The following NECAB1 variants were observed in gnomAD, a reference collection of about 807,000 sequenced individuals.
NECAB1 encodes the protein N-terminal EF-hand calcium binding protein 1.
A neutral mutation model predicts 57.5 loss-of-function variants in NECAB1; 29 were observed. The observed-to-expected ratio is 0.50, with a 90% CI of 0.38 to 0.69. The LOEUF (loss-of-function observed/expected upper bound fraction) is 0.69. Ranked by LOEUF, NECAB1 falls within the 30% of genes least tolerant of loss-of-function variation. The pLI is 0.00. For synonymous variants in NECAB1, 142 were observed against 147.7 expected, an observed-to-expected ratio of 0.96 and a Z score of 0.28; for missense variants, 372 against 413.8, an observed-to-expected ratio of 0.90 and a Z score of 0.88.
intron 3 of NECAB1, among the ~76,000 whole-genome samples, chr8:90,851,663 G>A (rs185936303): frequency 3.1e-4 from 47 of 152,198 alleles, no homozygotes; most frequent in African/African-American, 1.1e-3. Flanking sequence ...TGGAGTGAAA[G>A]ATACAGAGAT....
chr8:90,945,926 G>A lies in NECAB1; in HGVS notation c.861-3881G>A, dbSNP rs78602764. Among the ~76,000 whole-genome samples the A allele has an allele frequency of 1.7e-3, 260 of 152,252 alleles. 1 individual carries two copies. The highest frequency in any genetic ancestry group is 6.1e-3 in the African/African-American group (252 of 41,556). On this transcript the variant is annotated intron_variant, in intron 10 of 12. Transcript: ENST00000417640. ...CAAGGAGAAAGACACAGGCTGTTTC[G>A]GGTGAGTAGAATCACATAAGAAACA...
chr8:90,882,178 G>A (rs983364663), intron 5 of NECAB1, among the ~76,000 whole-genome samples: 1 of 152,152 alleles, frequency 6.6e-6, no homozygotes, highest in African/African-American at 2.4e-5. Flanking sequence ...GACCATACAA[G>A]AATTAACTTG....
intron 5 of NECAB1, among the ~76,000 whole-genome samples, chr8:90,906,645 AC>A (rs1418715944): frequency 6.6e-6 from 1 of 151,906 alleles, no homozygotes; most frequent in Non-Finnish European, 1.5e-5. Flanking sequence ...GCCACACTTT[AC>A]CTTTTATAGT....
rs1379863486 is a variant in NECAB1 at position 90,924,410 on chromosome 8, G to A, written c.495-1125G>A. Among the ~76,000 whole-genome samples, 9 of 152,214 alleles carry A rather than the reference G, an allele frequency of 5.9e-5. No individual in the cohort carries two copies. In the East Asian group the frequency reaches 1.5e-3, roughly 26 times the overall value. On this transcript the variant is annotated intron_variant, in intron 6 of 12. Coordinates refer to ENST00000417640, the MANE Select transcript of NECAB1 (RefSeq NM_022351.5). ...GGGGATCAGAGGTCATCCAACACAG[G>A]AGAAAGGCTAAAGGAATCTTCCCTA...
chr8:90,896,448 CA>C (rs1007330160), intron 5 of NECAB1, among the ~76,000 whole-genome samples: 3 of 151,552 alleles, frequency 2.0e-5, no homozygotes, highest in Non-Finnish European at 2.9e-5. Flanking sequence ...ACTAAAAATA[CA>C]AAAAAATTAG....
chr8:90,810,804 TAGTC>T (rs1269605148), intron 2 of NECAB1, among the ~76,000 whole-genome samples: 2 of 152,134 alleles, frequency 1.3e-5, no homozygotes, highest in Non-Finnish European at 2.9e-5. Flanking sequence ...TGAGAAAACT[TAGTC>T]AATAAACTCT....
intron 9 of NECAB1, among the ~76,000 whole-genome samples, chr8:90,938,594 G>A (rs1221397480): frequency 1.3e-5 from 2 of 152,076 alleles, no homozygotes; most frequent in African/African-American, 2.4e-5. Context: ...AAAAAGCTCC[G>A]CTTGTCAGAA....
At chr8:90,849,196 A>T (rs1177826716) in intron 3 of NECAB1, among the ~76,000 whole-genome samples, 1 of 152,166 alleles carries the variant, frequency 6.6e-6, no homozygotes, top group Non-Finnish European at 1.5e-5. Flanking sequence ...AGGCCTGGGT[A>T]TAGTGGCTCA....
intron 3 of NECAB1, among the ~76,000 whole-genome samples, chr8:90,827,118 T>C (rs762050430): frequency 9.9e-5 from 15 of 152,062 alleles, no homozygotes; most frequent in African/African-American, 3.6e-4. Context: ...AAGCAACTGA[T>C]AACTTTTATC....
In NECAB1 at chr8:90,958,193, T is replaced by C. The variant is rs1467334323; in HGVS notation, c.*2681T>C. The C allele has an allele frequency of 6.6e-6, 1 of 151,200 alleles. No homozygotes were observed. Among genetic ancestry groups the C allele is most frequent in the African/African-American group, 2.4e-5 (1 of 41,252 alleles). 9.4% of individuals were successfully genotyped at this position (151,200 alleles called of 1,614,324 possible). A position where few individuals can be genotyped will look rare whatever the true frequency, so the allele number is the denominator to read the frequency against. On this transcript the variant is annotated 3_prime_UTR_variant, in exon 13 of 13. Transcript: ENST00000417640. ...CTTAAACCCAAAAATTGTTCATCCA[T>C]ATATAAGAAATTATCGAATTAAAAC...
At chr8:90,824,863 G>C in intron 3 of NECAB1, 38 bp downstream of exon 3, 1 of 1,071,662 alleles carries the variant, frequency 9.3e-7, no homozygotes, top group Non-Finnish European at 1.4e-6. Context: ...CACAAGTGAG[G>C]CACAGAGAGC....
At chr8:90,835,933 C>T (rs1053636637) in intron 3 of NECAB1, among the ~76,000 whole-genome samples, 1 of 152,164 alleles carries the variant, frequency 6.6e-6, no homozygotes, top group Non-Finnish European at 1.5e-5. Flanking sequence ...AGAGTAATGC[C>T]ATTAACAGAT....
At chr8:90,940,532 A>G (rs1203373139) in intron 9 of NECAB1, 1 of 396,334 alleles carries the variant, frequency 2.5e-6, no homozygotes, top group African/African-American at 2.0e-5. Context: ...ATTGAGAATC[A>G]CTGCTTTTAA....
chr8:90,940,479 C>G, intron 9 of NECAB1: 1 of 262,874 alleles, frequency 3.8e-6, no homozygotes, highest in South Asian at 6.4e-5. Flanking sequence ...GGCCCCACTC[C>G]CAGAGATTTT....
chr8:90,917,704 T>A, intron 6 of NECAB1, 76 bp downstream of exon 6: 1 of 1,385,924 alleles, frequency 7.2e-7, no homozygotes, highest in Non-Finnish European at 9.6e-7. Context: ...GGCATTGTAC[T>A]TACACTAGCA....
intron 7 of NECAB1, among the ~76,000 whole-genome samples, chr8:90,926,531 A>G (rs1586132304): frequency 6.6e-6 from 1 of 152,170 alleles, no homozygotes; most frequent in East Asian, 1.9e-4. Flanking sequence ...CGACCTTAAA[A>G]TCTTGATGGT....
At chr8:90,954,484 C>T (rs1166187146) in intron 12 of NECAB1, among the ~76,000 whole-genome samples, 13 of 151,832 alleles carry the variant, frequency 8.6e-5, no homozygotes, top group Admixed American at 5.9e-4. Context: ...GAAAAACCTA[C>T]GGTTATGGGA....
intron 2 of NECAB1, among the ~76,000 whole-genome samples, chr8:90,816,561 G>C (rs996736737): frequency 1.3e-5 from 2 of 151,764 alleles, no homozygotes; most frequent in African/African-American, 4.8e-5. Flanking sequence ...AGTGATTTAT[G>C]CACTATTTGT....
rs188383165 is a variant in NECAB1, at chr8:90,874,023, T to C, written c.259+1870T>C. Among the ~76,000 whole-genome samples, 5 of 152,326 alleles carry C rather than the reference T, an allele frequency of 3.3e-5. No homozygotes were observed. In the South Asian group the frequency reaches 6.2e-4, roughly 19 times the overall value. ...CTGTGTTTTTTAAATCCAGTGATTG[T>C]ATTCAGTCATGTGTTATAATCCTCC... On this transcript the variant is annotated intron_variant, in intron 4 of 12. Transcript: ENST00000417640.
Sources: gnomAD v4.1 joint callset for allele counts (sites outside exome capture counted in the v4.1 genomes callset) on GRCh38, gnomAD v4.1.1 for gene constraint, MANE v1.5 for transcripts, NCBI Gene and HGNC (gene_info 2026-07-23, HGNC 2026-07-21) for gene names.